RIT2: variants seen among roughly 807,000 people sequenced by gnomAD.
RIT2 encodes Ras like without CAAX 2, also known as GTP-binding protein Rit2.
A neutral mutation model predicts 23.7 loss-of-function variants in RIT2; 24 were observed. That is an observed-to-expected ratio of 1.01 (90% CI 0.73 to 1.43). RIT2 has a LOEUF of 1.43. Ranked by LOEUF, RIT2 falls within the 40% of genes most tolerant of loss-of-function variation. The pLI is 0.00. For missense variants in RIT2, 236 were observed against 266.9 expected (o/e 0.88, Z 0.81); for synonymous variants, 107 against 91.1 (o/e 1.17, Z -0.99).
chr18:42,949,441 A>C (rs988443065), intron 3 of RIT2, among the ~76,000 whole-genome samples: 14 of 152,106 alleles, frequency 9.2e-5, no homozygotes, highest in Admixed American at 6.6e-5. Flanking sequence ...AAATGTTTCA[A>C]AATAATTATT....
chr18:43,008,549 A>G (rs1474727460), intron 2 of RIT2, among the ~76,000 whole-genome samples: 1 of 151,506 alleles, frequency 6.6e-6, no homozygotes, highest in East Asian at 1.9e-4. Flanking sequence ...ATTAAGCTGT[A>G]CATTACTTTA....
intron 4 of RIT2, among the ~76,000 whole-genome samples, chr18:42,771,324 C>T (rs1232407905): frequency 6.6e-6 from 1 of 152,104 alleles, no homozygotes; most frequent in Non-Finnish European, 1.5e-5. Context: ...TGGTATTTAT[C>T]ACATTTCTCT....
At chr18:42,955,045 G>A (rs1442447292) in intron 3 of RIT2, among the ~76,000 whole-genome samples, 2 of 152,146 alleles carry the variant, frequency 1.3e-5, no homozygotes, top group Non-Finnish European at 2.9e-5. Context: ...ATGCAGATAT[G>A]AGGAGGCCAG....
intron 2 of RIT2, among the ~76,000 whole-genome samples, chr18:43,018,868 A>G (rs1238449949): frequency 1.3e-5 from 2 of 152,010 alleles, no homozygotes; most frequent in Non-Finnish European, 2.9e-5. Flanking sequence ...AGTATAAATC[A>G]CTGGTAGAGT....
chr18:42,974,102 T>C lies in RIT2; in HGVS notation c.206A>G (p.Tyr69Cys). Reference protein sequence around the residue: ...TQVRIDNEPAYLDILDTAGQA... With the variant: ...TQVRIDNEPACLDILDTAGQA... ...GCCAGCAGTGTCCAAGATGTCCAAGTAAGCTGGCTCATTGTCAATCCTGAC... is the reference window on the plus strand; with the variant it reads ...GCCAGCAGTGTCCAAGATGTCCAAGCAAGCTGGCTCATTGTCAATCCTGAC... The change falls in exon 3 of 5, where the codon TAC (tyrosine) becomes TGC (cysteine). Residue 69 changes from tyrosine (Y) to cysteine (C), a missense_variant. Tyr to Cys is a radical substitution (Grantham distance 194). Transcript: ENST00000326695. 2.5e-6 allele frequency: 4 copies of C among 1,611,690 alleles called. No homozygotes were observed. The highest frequency in any genetic ancestry group is 3.4e-6 in the Non-Finnish European group (4 of 1,178,526).
chr18:42,850,076 C>CGTGTGTGT (rs60962443), intron 4 of RIT2, among the ~76,000 whole-genome samples: 3,387 of 142,694 alleles, frequency 0.024, 115 homozygotes, highest in African/African-American at 0.074. Flanking sequence ...AAAATACACC[C>CGTGTGTGT]GTGTGTGTGT....
rs71175922 is a variant in RIT2, at chr18:42,777,285, C to CAA, written c.427-33567_427-33566dup. ...CCATTGGAAACACATGTCTGGACTTCAAAAAAAAAAAAAAAAGAAAGAGAG... is the reference window on the plus strand; with the variant it reads ...CCATTGGAAACACATGTCTGGACTTCAAAAAAAAAAAAAAAAAAGAAAGAGAG... On this transcript the variant is annotated intron_variant, in intron 4 of 4. Coordinates refer to ENST00000326695, the MANE Select transcript of RIT2 (RefSeq NM_002930.4). Among the ~76,000 whole-genome samples the CAA allele has an allele frequency of 3.1e-5, 4 of 127,966 alleles. No homozygotes were observed. In the South Asian group the frequency reaches 1.0e-3, roughly 32 times the overall value. 84.0% of individuals were successfully genotyped at this position (127,966 alleles called of 152,430 possible). A position where few individuals can be genotyped will look rare whatever the true frequency, so the allele number is the denominator to read the frequency against.
chr18:42,951,494 G>A (rs928924150), intron 3 of RIT2, among the ~76,000 whole-genome samples: 15 of 151,984 alleles, frequency 9.9e-5, no homozygotes, highest in African/African-American at 2.9e-4. Context: ...GTACCTGGGC[G>A]ATGGGATAAT....
At chr18:43,057,848 G>A (rs1348020086) in intron 1 of RIT2, among the ~76,000 whole-genome samples, 2 of 143,406 alleles carry the variant, frequency 1.4e-5, no homozygotes, top group Non-Finnish European at 3.0e-5. Flanking sequence ...GTAGCAAATG[G>A]CTTGGGCCAA....
At chr18:43,095,357 C>G (rs1308209802) in intron 1 of RIT2, among the ~76,000 whole-genome samples, 2 of 151,850 alleles carry the variant, frequency 1.3e-5, no homozygotes, top group Non-Finnish European at 2.9e-5. Flanking sequence ...GCACGAATGT[C>G]TTCTTTTGAG....
intron 4 of RIT2, among the ~76,000 whole-genome samples, chr18:42,879,996 T>C (rs983708723): frequency 2.0e-5 from 3 of 152,172 alleles, no homozygotes; most frequent in African/African-American, 4.8e-5. Flanking sequence ...AGAAGAGGGC[T>C]AGCTTGTAAT....
intron 4 of RIT2, among the ~76,000 whole-genome samples, chr18:42,909,253 T>G (rs972876918): frequency 6.6e-6 from 1 of 152,130 alleles, no homozygotes; most frequent in Non-Finnish European, 1.5e-5. Context: ...TTCTCACTTA[T>G]AAGTGAGAGC....
At chr18:43,026,614 AAGAAAGAAAGAAAGAAAGAAAG>A (rs1444990815) in intron 2 of RIT2, among the ~76,000 whole-genome samples, 4 of 149,076 alleles carry the variant, frequency 2.7e-5, no homozygotes, top group Non-Finnish European at 3.0e-5. Flanking sequence ...GAAAGAAAGA[AAGAAAGAAAGAAAGAAAGAAAG>A]AGAGAAAGAA....
Position 43,005,825 on chromosome 18 carries a change from G to A in RIT2, c.160+27986C>T, listed in dbSNP as rs75428318. The stretch of plus-strand genomic sequence containing the variant: ...CAGAAACAGAGGTAGACAACATGAG[G>A]TCTGATGGATCCAAAAACTAGTACT... On this transcript the variant is annotated intron_variant, in intron 2 of 4. Coordinates refer to ENST00000326695, the MANE Select transcript of RIT2 (RefSeq NM_002930.4). 2.8e-3 allele frequency among the ~76,000 whole-genome samples: 428 copies of A among 151,826 alleles called. 2 individuals are homozygous for A. The highest frequency in any genetic ancestry group is 9.9e-3 in the African/African-American group (411 of 41,498).
At chr18:42,826,383 T>C (rs1413233328) in intron 4 of RIT2, among the ~76,000 whole-genome samples, 1 of 152,032 alleles carries the variant, frequency 6.6e-6, no homozygotes, top group African/African-American at 2.4e-5. Flanking sequence ...TTGTAATTGA[T>C]AGAGAAACAG....
At chr18:42,906,924 C>T (rs980291799) in intron 4 of RIT2, among the ~76,000 whole-genome samples, 16 of 152,314 alleles carry the variant, frequency 1.1e-4, no homozygotes, top group Admixed American at 1.0e-3. Context: ...CTATCATCAA[C>T]TTCAGAATCT....
intron 4 of RIT2, among the ~76,000 whole-genome samples, chr18:42,877,718 T>C (rs1480469857): frequency 6.6e-6 from 1 of 151,836 alleles, no homozygotes; most frequent in Non-Finnish European, 1.5e-5. Context: ...AAACATGATA[T>C]AACAAGTGAA....
At chr18:42,786,135 A>T (rs1450476092) in intron 4 of RIT2, among the ~76,000 whole-genome samples, 2 of 152,162 alleles carry the variant, frequency 1.3e-5, no homozygotes. Context: ...AAAACCAGTG[A>T]CTGGAAAATG....
chr18:43,075,967 C>A (rs1170895745), intron 1 of RIT2, among the ~76,000 whole-genome samples: 2 of 152,130 alleles, frequency 1.3e-5, no homozygotes, highest in African/African-American at 4.8e-5. Context: ...TACTAAGTAT[C>A]ATTTTTTATC....
Sources: gnomAD v4.1 joint callset for allele counts (sites outside exome capture counted in the v4.1 genomes callset) on GRCh38, gnomAD v4.1.1 for gene constraint, MANE v1.5 for transcripts, NCBI Gene and HGNC (gene_info 2026-07-23, HGNC 2026-07-21) for gene names.